TAF4B: variants seen among roughly 807,000 people sequenced by gnomAD.
TAF4B encodes TATA-box binding protein associated factor 4b.
TAF4B carries 38 observed loss-of-function variants against 86.4 expected under a neutral mutation model. The observed-to-expected ratio is 0.44, with a 90% confidence interval of 0.34 to 0.58. The LOEUF is 0.58. Ranked by LOEUF, TAF4B falls within the 20% of genes least tolerant of loss-of-function variation. The pLI, the probability that TAF4B is intolerant of heterozygous loss-of-function variation, is 0.02. For missense variants in TAF4B, 988 were observed against 1,027.6 expected (o/e 0.96, Z 0.53); for synonymous variants, 388 against 391.2 (o/e 0.99, Z 0.10).
rs1307196483 is a variant in TAF4B at position 26,281,950 on chromosome 18, TC to T, written c.883-20del. On this transcript the variant is annotated intron_variant, in intron 5 of 14. Transcript: ENST00000269142. ...AAAGATTTGTAGACTTAAAATTGTTTCTATTTCTCCCATCCCTCAGGATGCA... is the reference window on the plus strand; with the variant it reads ...AAAGATTTGTAGACTTAAAATTGTTTTATTTCTCCCATCCCTCAGGATGCA... 3.2e-6 allele frequency: 5 copies of T among 1,568,120 alleles called. No homozygotes were observed. Among genetic ancestry groups the T allele is most frequent in the Non-Finnish European group, 3.5e-6 (4 of 1,141,742 alleles).
chr18:26,371,860 A>C (rs1188265641), intron 14 of TAF4B, among the ~76,000 whole-genome samples: 1 of 152,160 alleles, frequency 6.6e-6, no homozygotes, highest in Non-Finnish European at 1.5e-5. Flanking sequence ...TCACAGTGAG[A>C]AATTCTACTG....
intron 1 of TAF4B, among the ~76,000 whole-genome samples, chr18:26,242,627 A>T (rs1473137958): frequency 6.6e-6 from 1 of 152,188 alleles, no homozygotes; most frequent in African/African-American, 2.4e-5. Flanking sequence ...TCCTGTCATT[A>T]TGATGTAAGC....
At chr18:26,350,075 T>C (rs781006719) in intron 13 of TAF4B, among the ~76,000 whole-genome samples, 19 of 152,178 alleles carry the variant, frequency 1.2e-4, no homozygotes, top group Non-Finnish European at 2.8e-4. Flanking sequence ...TTCAGAGATC[T>C]AAGTGTAAAA....
rs1410119518 is a variant in TAF4B at position 26,227,287 on chromosome 18, A to G, written c.343+11A>G. ...TGCAGCTTCCTCCAGGTATGTTGAT[A>G]ACCCTTTCCAGCCTTGTCTGTCGGT... On this transcript the variant is annotated intron_variant, in intron 1 of 14. Transcript: ENST00000269142. The G allele has an allele frequency of 1.2e-6, 2 of 1,607,968 alleles. No individual in the cohort carries two copies. The highest frequency in any genetic ancestry group is 2.3e-5 in the East Asian group (1 of 44,234).
intron 1 of TAF4B, among the ~76,000 whole-genome samples, chr18:26,244,082 G>C (rs979752805): frequency 1.3e-4 from 20 of 152,232 alleles, no homozygotes; most frequent in Admixed American, 6.5e-5. Flanking sequence ...CGTGCTGGGA[G>C]AATCACTACC....
chr18:26,320,987 G>A, intron 10 of TAF4B, 83 bp from the exon 11 acceptor site: 2 of 1,543,276 alleles, frequency 1.3e-6, no homozygotes, highest in Non-Finnish European at 1.8e-6. Context: ...TGACTTCCAG[G>A]GGGAACAGAA....
At chr18:26,319,767 T>C (rs1027675658) in intron 10 of TAF4B, among the ~76,000 whole-genome samples, 2 of 152,038 alleles carry the variant, frequency 1.3e-5, no homozygotes, top group African/African-American at 4.8e-5. Flanking sequence ...TTTTTTTGTA[T>C]TTAGTAGAGA....
At chr18:26,325,834 C>A (rs2056999088) in intron 11 of TAF4B, among the ~76,000 whole-genome samples, 1 of 152,096 alleles carries the variant, frequency 6.6e-6, no homozygotes, top group South Asian at 2.1e-4. Flanking sequence ...TTGTATTAAA[C>A]ATGAAGTAAA....
chr18:26,313,464 C>A (rs548071833), intron 9 of TAF4B, among the ~76,000 whole-genome samples: 1 of 152,252 alleles, frequency 6.6e-6, no homozygotes, highest in South Asian at 2.1e-4. Context: ...TTCTTAGCAT[C>A]CCATGTCTCT....
At chr18:26,250,775 G>A (rs2055995054) in intron 1 of TAF4B, among the ~76,000 whole-genome samples, 1 of 152,066 alleles carries the variant, frequency 6.6e-6, no homozygotes, top group African/African-American at 2.4e-5. Context: ...AATATGGAAA[G>A]TAAAAAGAAG....
chr18:26,253,851 ATTG>A (rs1466398982), intron 1 of TAF4B, among the ~76,000 whole-genome samples: 1 of 151,750 alleles, frequency 6.6e-6, no homozygotes, highest in African/African-American at 2.4e-5. Context: ...TTAGTTTATA[ATTG>A]TTTCTAGTCT....
intron 9 of TAF4B, among the ~76,000 whole-genome samples, chr18:26,301,565 A>G (rs1291982027): frequency 1.3e-5 from 2 of 152,082 alleles, no homozygotes; most frequent in Non-Finnish European, 2.9e-5. Context: ...AAGCGCTGGG[A>G]TTATAGACAT....
At chr18:26,242,623 CATT>C (rs1568098528) in intron 1 of TAF4B, among the ~76,000 whole-genome samples, 1 of 152,156 alleles carries the variant, frequency 6.6e-6, no homozygotes, top group Middle Eastern at 3.2e-3. Context: ...TTGATCCTGT[CATT>C]ATGATGTAAG....
At chr18:26,322,554 T>C (rs2056971754) in intron 11 of TAF4B, among the ~76,000 whole-genome samples, 1 of 152,196 alleles carries the variant, frequency 6.6e-6, no homozygotes, top group South Asian at 2.1e-4. Flanking sequence ...TACTGTCTTG[T>C]AACCTTTTAT....
intron 1 of TAF4B, among the ~76,000 whole-genome samples, chr18:26,240,469 T>C (rs1377536100): frequency 1.3e-5 from 2 of 152,220 alleles, no homozygotes; most frequent in South Asian, 2.1e-4. Context: ...GCTTGTCAGC[T>C]TAAGGAGATT....
intron 6 of TAF4B, 120 bp from the exon 7 acceptor site, chr18:26,285,762 A>C: frequency 8.1e-7 from 1 of 1,241,790 alleles, no homozygotes; most frequent in Non-Finnish European, 1.1e-6. Context: ...GCTGTCTTCA[A>C]CTGAAATACT....
At chr18:26,291,706 C>CA (rs551155639) in intron 7 of TAF4B, among the ~76,000 whole-genome samples, 71,117 of 111,466 alleles carry the variant, frequency 0.64, 21,287 homozygotes, top group East Asian at 0.8. Flanking sequence ...GACTCTGTCT[C>CA]AAAAAAAAAA....
intron 5 of TAF4B, among the ~76,000 whole-genome samples, chr18:26,275,319 C>T (rs540714243): frequency 1.5e-4 from 23 of 152,120 alleles, no homozygotes; most frequent in Admixed American, 1.3e-3. Context: ...CCACGCTCGG[C>T]TAATTTTTGT....
At chr18:26,289,580 G>A (rs2056567745) in intron 7 of TAF4B, among the ~76,000 whole-genome samples, 1 of 152,012 alleles carries the variant, frequency 6.6e-6, no homozygotes, top group South Asian at 2.1e-4. Flanking sequence ...TTGACTTTCC[G>A]GGCTCAGATA....
Sources: gnomAD v4.1 joint callset for allele counts (sites outside exome capture counted in the v4.1 genomes callset) on GRCh38, gnomAD v4.1.1 for gene constraint, MANE v1.5 for transcripts, NCBI Gene and HGNC (gene_info 2026-07-23, HGNC 2026-07-21) for gene names.